Variants in NCOA3 observed in about 807,000 individuals in gnomAD.
The protein encoded by NCOA3 is nuclear receptor coactivator 3.
Under a neutral mutation model 158.8 loss-of-function variants are expected in NCOA3, and 51 were observed. The ratio of observed to expected loss-of-function variants is 0.32; its 90% CI spans 0.26 to 0.41. NCOA3 has a LOEUF of 0.41. NCOA3 is among the 10% of genes least tolerant of loss of function. The pLI, the probability that NCOA3 is intolerant of heterozygous loss-of-function variation, is 1.00. For synonymous variants in NCOA3, 537 were observed against 592.4 expected (o/e 0.91, Z 1.36); for missense variants, 1,510 against 1,746.6 (o/e 0.86, Z 2.41).
chr20:47,625,160 A>C (rs1445998484), intron 4 of NCOA3, among the ~76,000 whole-genome samples: 1 of 152,208 alleles, frequency 6.6e-6, no homozygotes, highest in Non-Finnish European at 1.5e-5. Context: ...TAGTACATTT[A>C]GTAGTGAAAT....
chr20:47,635,810 AGAAACTT>A, intron 11 of NCOA3, 74 bp from the exon 12 acceptor site: 1 of 1,495,004 alleles, frequency 6.7e-7, no homozygotes, highest in East Asian at 2.3e-5. Context: ...ATTTTATAAT[AGAAACTT>A]TGAAGAATTA....
chr20:47,526,117 C>T (rs1237567251), intron 1 of NCOA3, among the ~76,000 whole-genome samples: 13 of 150,524 alleles, frequency 8.6e-5, no homozygotes, highest in African/African-American at 2.7e-4. Context: ...CCTCACATCC[C>T]GGACGGGGCG....
chr20:47,621,696 C>T (rs1339571003), intron 2 of NCOA3, among the ~76,000 whole-genome samples: 3 of 135,146 alleles, frequency 2.2e-5, no homozygotes, highest in African/African-American at 6.0e-5. Flanking sequence ...CTCTTGTCAC[C>T]CAGGCTGGAG....
intron 1 of NCOA3, among the ~76,000 whole-genome samples, chr20:47,550,172 C>G (rs936848129): frequency 6.7e-6 from 1 of 150,212 alleles, no homozygotes. Context: ...AGTCCAGGCG[C>G]GGTGGCTCAC....
At chr20:47,625,667 A>G (rs1252279134) in intron 5 of NCOA3, among the ~76,000 whole-genome samples, 186 bp downstream of exon 5, 1 of 152,214 alleles carries the variant, frequency 6.6e-6, no homozygotes, top group Non-Finnish European at 1.5e-5. Flanking sequence ...TACATAATTC[A>G]GGAAGCCTTG....
At chr20:47,623,816 G>T in intron 3 of NCOA3, 95 bp from the exon 4 acceptor site, 5 of 1,113,644 alleles carry the variant, frequency 4.5e-6, no homozygotes, top group Non-Finnish European at 5.1e-6. Context: ...AAGTAATCAT[G>T]TAATAGTGTT....
chr20:47,624,222 T>A, intron 4 of NCOA3, 139 bp downstream of exon 4: 1 of 639,948 alleles, frequency 1.6e-6, no homozygotes, highest in Non-Finnish European at 2.7e-6. Flanking sequence ...ACATTACGTT[T>A]GTGGTGCATT....
At chr20:47,648,437 CT>C (rs2086727532) in intron 18 of NCOA3, among the ~76,000 whole-genome samples, 1 of 151,908 alleles carries the variant, frequency 6.6e-6, no homozygotes, top group South Asian at 2.1e-4. Context: ...GACTATAAAT[CT>C]TTTGAGTTTC....
chr20:47,576,608 C>T (rs2085376033), intron 1 of NCOA3, among the ~76,000 whole-genome samples: 1 of 152,154 alleles, frequency 6.6e-6, no homozygotes, highest in African/African-American at 2.4e-5. Flanking sequence ...TCTCCACTCC[C>T]CTGTCCTTAA....
rs1420851378 is a variant in NCOA3, at chr20:47,536,325, A to C, written c.-99+34306A>C. 2.6e-5 allele frequency among the ~76,000 whole-genome samples: 4 copies of C among 152,080 alleles called. No homozygotes were observed. In the East Asian group the frequency reaches 7.8e-4, roughly 29 times the overall value. ...GAGAGTGTCTTGCCACATTGTCCAC[A>C]CCTCAAGTGATCCTCCTTCCTTGGC... On this transcript the variant is annotated intron_variant, in intron 1 of 22. Transcript: ENST00000371998.
chr20:47,619,680 GA>G (rs1460562287), intron 2 of NCOA3, among the ~76,000 whole-genome samples: 3 of 151,266 alleles, frequency 2.0e-5, no homozygotes, highest in Non-Finnish European at 4.4e-5. Context: ...TTACTCAATG[GA>G]TAGTTTGCCA....
chr20:47,610,187 A>G lies in NCOA3; in HGVS notation c.-19-12042A>G, dbSNP rs149406642. On this transcript the variant is annotated intron_variant, in intron 2 of 22. Transcript: ENST00000371998. ...AGATTTATTTGAAAAGACAAATTCT[A>G]TTATCAGACACATAACTTCTAGGGA... is the stretch of plus-strand genomic sequence containing the variant. Among the ~76,000 whole-genome samples, 230 of 152,258 alleles carry G rather than the reference A, an allele frequency of 1.5e-3. 2 individuals carry two copies. The highest frequency in any genetic ancestry group is 5.2e-3 in the African/African-American group (217 of 41,560).
intron 1 of NCOA3, among the ~76,000 whole-genome samples, chr20:47,519,272 T>G (rs1412313585): frequency 6.6e-6 from 1 of 151,762 alleles, no homozygotes; most frequent in African/African-American, 2.4e-5. Context: ...CTGTCTCTAC[T>G]AAAAATATGA....
rs750819981 is a variant in NCOA3 at position 47,634,157 on chromosome 20, T to G, written c.1074T>G (p.Asn358Lys). 6.2e-7 allele frequency: 1 copy of G among 1,614,178 alleles called. No homozygotes were observed. Among genetic ancestry groups the G allele is most frequent in the Non-Finnish European group, 8.5e-7 (1 of 1,180,028 alleles). Residue 358 changes from asparagine to lysine, a missense_variant, in exon 10 of 23, where the codon AAT (asparagine) becomes AAG (lysine). Coordinates refer to ENST00000371998, the MANE Select transcript of NCOA3 (RefSeq NM_181659.3). The stretch of plus-strand genomic sequence containing the variant: ...AACTCTTCCGAAATCCTGTAACAAA[T>G]GATCGACATGGCTTTGTCTCAACCC... ...KSKLFRNPVTNDRHGFVSTHF... is the reference protein window; with the variant it reads ...KSKLFRNPVTKDRHGFVSTHF...
intron 1 of NCOA3, among the ~76,000 whole-genome samples, chr20:47,557,715 A>G (rs1209677413): frequency 2.6e-5 from 4 of 152,206 alleles, no homozygotes; most frequent in Admixed American, 2.6e-4. Context: ...AAAGATATAT[A>G]TGAGATATAA....
chr20:47,567,012 C>CTATGTATGTATGTATGTATG (rs71183264), intron 1 of NCOA3, among the ~76,000 whole-genome samples: 2 of 145,346 alleles, frequency 1.4e-5, no homozygotes, highest in Non-Finnish European at 3.0e-5. Context: ...TGGTATAGTA[C>CTATGTATGTATGTATGTATG]TATGTATGTA....
intron 1 of NCOA3, among the ~76,000 whole-genome samples, chr20:47,520,315 C>T (rs933527917): frequency 3.3e-5 from 5 of 152,126 alleles, no homozygotes; most frequent in Non-Finnish European, 7.3e-5. Context: ...CTCTTTGACT[C>T]CCTCTTTGTC....
rs10664468 is a variant in NCOA3 at position 47,531,339 on chromosome 20, T to TCAAACAAA, written c.-99+29341_-99+29348dup. Among the ~76,000 whole-genome samples the TCAAACAAA allele has an allele frequency of 6.4e-3, 962 of 150,562 alleles. 7 individuals carry two copies. Among genetic ancestry groups the TCAAACAAA allele is most frequent in the East Asian group, 0.025 (127 of 5,122 alleles). The stretch of plus-strand genomic sequence containing the variant: ...GCCTGGGCGACGGAGCGAGACTATC[T>TCAAACAAA]CAAACAAACAAACAAACAAACAAAC... On this transcript the variant is annotated intron_variant, in intron 1 of 22. Coordinates refer to ENST00000371998, the MANE Select transcript of NCOA3 (RefSeq NM_181659.3).
intron 2 of NCOA3, among the ~76,000 whole-genome samples, chr20:47,599,789 C>T (rs547178861): frequency 1.3e-5 from 2 of 152,178 alleles, no homozygotes; most frequent in South Asian, 4.1e-4. Context: ...ATATGAATTC[C>T]AGCAGCATAT....
Sources: gnomAD v4.1 joint callset for allele counts (sites outside exome capture counted in the v4.1 genomes callset) on GRCh38, gnomAD v4.1.1 for gene constraint, MANE v1.5 for transcripts, NCBI Gene and HGNC (gene_info 2026-07-23, HGNC 2026-07-21) for gene names.